Variants in DPYS observed in about 807,000 individuals in gnomAD.
DPYS encodes dihydropyrimidine amidohydrolase.
DPYS carries 39 observed loss-of-function variants against 50.3 expected under a neutral mutation model. The ratio of observed to expected loss-of-function variants is 0.78; its 90% CI spans 0.60 to 1.01. The LOEUF (loss-of-function observed/expected upper bound fraction) is 1.01, where lower values mean the gene tolerates loss of function less well. DPYS is among the 50% of genes least tolerant of loss of function. The pLI is 0.00. For synonymous variants in DPYS, 245 were observed against 250.7 expected, an observed-to-expected ratio of 0.98 and a Z score of 0.22; for missense variants, 659 against 680.9, an observed-to-expected ratio of 0.97 and a Z score of 0.36.
At chr8:104,457,859 AAG>A (rs1289095121) in intron 1 of DPYS, among the ~76,000 whole-genome samples, 1 of 152,184 alleles carries the variant, frequency 6.6e-6, no homozygotes, top group Non-Finnish European at 1.5e-5. Flanking sequence ...CCAGAAACTT[AAG>A]AGTTACTCTT....
chr8:104,432,804 A>G (rs1812998930), intron 4 of DPYS, among the ~76,000 whole-genome samples: 1 of 152,206 alleles, frequency 6.6e-6, no homozygotes, highest in Non-Finnish European at 1.5e-5. Flanking sequence ...TGAAAGTCAA[A>G]TAAATTAATG....
chr8:104,396,569 C>G (rs1354066627), intron 7 of DPYS, among the ~76,000 whole-genome samples: 3 of 151,936 alleles, frequency 2.0e-5, no homozygotes, highest in Non-Finnish European at 4.4e-5. Flanking sequence ...AAGCAAAAAC[C>G]CTGACAATTA....
chr8:104,442,148 G>A (rs978986063), intron 4 of DPYS, among the ~76,000 whole-genome samples: 13 of 152,042 alleles, frequency 8.6e-5, no homozygotes, highest in African/African-American at 3.1e-4. Context: ...TTTGACTCTT[G>A]GGCCATGTAA....
intron 7 of DPYS, among the ~76,000 whole-genome samples, chr8:104,414,067 T>C (rs1812285000): frequency 6.6e-6 from 1 of 152,310 alleles, no homozygotes; most frequent in Admixed American, 6.5e-5. Context: ...AGAATGTAGA[T>C]ATATTCTGCA....
intron 7 of DPYS, among the ~76,000 whole-genome samples, chr8:104,402,169 T>G (rs986007933): frequency 6.6e-6 from 1 of 152,228 alleles, no homozygotes; most frequent in African/African-American, 2.4e-5. Context: ...TGACCTTGTA[T>G]GTAGGTACCA....
At chr8:104,447,250 G>A (rs1021473729) in intron 3 of DPYS, 74 bp downstream of exon 3, 8 of 1,556,200 alleles carry the variant, frequency 5.1e-6, no homozygotes, top group Non-Finnish European at 7.1e-6. Context: ...GTTTACCTAT[G>A]TAGGCCCAAT....
At chr8:104,451,896 T>C (rs1289531581) in intron 1 of DPYS, among the ~76,000 whole-genome samples, 1 of 152,178 alleles carries the variant, frequency 6.6e-6, no homozygotes, top group Admixed American at 6.5e-5. Flanking sequence ...TTATCTTTCT[T>C]AGATTTGCAC....
At position 104,381,431 on chromosome 8, in the gene DPYS, G is replaced by A. The variant is rs137964250; in HGVS notation, c.1444-117C>T. ...AAAAAGAATCTTATAAATTTATCACGTGCCTCCCCATCCCCTTGGCCTTTC... is the reference window on the plus strand; with the variant it reads ...AAAAAGAATCTTATAAATTTATCACATGCCTCCCCATCCCCTTGGCCTTTC... On this transcript the variant is annotated intron_variant, in intron 8 of 9. Coordinates refer to ENST00000351513, the MANE Select transcript of DPYS (RefSeq NM_001385.3). 1.6e-3 allele frequency: 1,477 copies of A among 931,620 alleles called. 16 individuals are homozygous for A. The African/African-American group carries it at 0.018, about 11-fold the overall frequency. The allele number at this position is 931,620 out of a possible 1,614,324, so 57.7% of individuals were successfully genotyped here. A position where few individuals can be genotyped will look rare whatever the true frequency, so the allele number is the denominator to read the frequency against.
intron 7 of DPYS, chr8:104,423,887 T>C: frequency 1.3e-6 from 1 of 766,500 alleles, no homozygotes; most frequent in African/African-American, 1.9e-5. Flanking sequence ...GCTGTAATTA[T>C]TTTGAGTTTT....
At chr8:104,414,980 A>G (rs956676917) in intron 7 of DPYS, among the ~76,000 whole-genome samples, 1 of 152,224 alleles carries the variant, frequency 6.6e-6, no homozygotes, top group African/African-American at 2.4e-5. Context: ...AGTGCTGAGA[A>G]TTCTCTTCTT....
At chr8:104,453,319 GA>G (rs1213424579) in intron 1 of DPYS, among the ~76,000 whole-genome samples, 1 of 151,822 alleles carries the variant, frequency 6.6e-6, no homozygotes, top group Non-Finnish European at 1.5e-5. Context: ...AAAATACTAG[GA>G]AAAAAATTCC....
At chr8:104,407,602 C>A (rs969366074) in intron 7 of DPYS, among the ~76,000 whole-genome samples, 1 of 152,060 alleles carries the variant, frequency 6.6e-6, no homozygotes, top group Admixed American at 6.6e-5. Flanking sequence ...TTAGGCCATG[C>A]ATACAATTTA....
chr8:104,425,919 T>C (rs888743940), intron 6 of DPYS, among the ~76,000 whole-genome samples: 11 of 152,198 alleles, frequency 7.2e-5, no homozygotes, highest in Non-Finnish European at 1.3e-4. Context: ...TAATGTTTCA[T>C]AAAATGACAT....
chr8:104,402,267 C>G (rs1811843661), intron 7 of DPYS, among the ~76,000 whole-genome samples: 1 of 152,164 alleles, frequency 6.6e-6, no homozygotes, highest in Non-Finnish European at 1.5e-5. Context: ...AAGTTATTAG[C>G]AAATTTCTGG....
At chr8:104,383,638 A>G (rs1742320264) in intron 8 of DPYS, among the ~76,000 whole-genome samples, 1 of 145,508 alleles carries the variant, frequency 6.9e-6, no homozygotes, top group Non-Finnish European at 1.5e-5. Flanking sequence ...GTTTCACTCC[A>G]TCACCCAAGC....
chr8:104,419,035 C>T, intron 7 of DPYS: 1 of 985,450 alleles, frequency 1.0e-6, no homozygotes, highest in Non-Finnish European at 1.2e-6. Context: ...CTCTGCTTAA[C>T]AAACTCGTTG....
At chr8:104,406,182 C>T (rs1411243766) in intron 7 of DPYS, among the ~76,000 whole-genome samples, 2 of 152,166 alleles carry the variant, frequency 1.3e-5, no homozygotes, top group African/African-American at 4.8e-5. Flanking sequence ...AGGCTGTAAG[C>T]TCTGCAGTGG....
At chr8:104,417,488 A>C (rs1463728439) in intron 7 of DPYS, among the ~76,000 whole-genome samples, 2 of 152,222 alleles carry the variant, frequency 1.3e-5, no homozygotes, top group Non-Finnish European at 2.9e-5. Context: ...CATCACATGA[A>C]AAGCATGTTC....
intron 1 of DPYS, among the ~76,000 whole-genome samples, chr8:104,465,235 T>G (rs1814319774): frequency 1.4e-5 from 2 of 144,662 alleles, no homozygotes; most frequent in African/African-American, 2.6e-5. Context: ...ACTGTCAGCC[T>G]GTCCACAGTA....
Sources: allele counts gnomAD v4.1 joint callset (sites outside exome capture counted in the v4.1 genomes callset), GRCh38; gene constraint gnomAD v4.1.1; transcripts MANE v1.5; gene names NCBI Gene and HGNC (gene_info 2026-07-23, HGNC 2026-07-21).